Variants in AFF1 observed in about 807,000 individuals in gnomAD.
AFF1 encodes the protein AF4/FMR2 family member 1.
Under a neutral mutation model 121.7 loss-of-function variants are expected in AFF1, and 48 were observed. That is an observed-to-expected ratio of 0.39 (90% confidence interval 0.31 to 0.50). The LOEUF (loss-of-function observed/expected upper bound fraction) is 0.50, where lower values mean the gene tolerates loss of function less well. Ranked by LOEUF, AFF1 falls within the 20% of genes least tolerant of loss-of-function variation. The pLI, the probability that AFF1 is intolerant of heterozygous loss-of-function variation, is 0.76. For synonymous variants in AFF1, 613 were observed against 563.0 expected (o/e 1.09, Z -1.26); for missense variants, 1,523 against 1,511.7 (o/e 1.01, Z -0.12).
intron 17 of AFF1, 138 bp downstream of exon 17, chr4:87,131,357 G>A (rs1319285930): frequency 1.7e-5 from 20 of 1,167,232 alleles, no homozygotes; most frequent in Non-Finnish European, 3.6e-6. Flanking sequence ...AAGAACTAGT[G>A]TTTGTCCTGA....
chr4:86,988,401 AT>A (rs1724455862), intron 2 of AFF1, among the ~76,000 whole-genome samples: 1 of 151,656 alleles, frequency 6.6e-6, no homozygotes, highest in Non-Finnish European at 1.5e-5. Flanking sequence ...TAGCTACCAC[AT>A]TTGAGTAAAA....
rs1729293929 is a variant in AFF1 at position 87,136,272 on chromosome 4, A to AC, written c.*572dup. Reference sequence around the variant, plus strand: ...ACTGTGCCCCACTTTCTGCCAATGAACAGTGGCTTGATAATACCAAGTATT... The same window carrying AC: ...ACTGTGCCCCACTTTCTGCCAATGAACCAGTGGCTTGATAATACCAAGTATT... On this transcript the variant is annotated 3_prime_UTR_variant, in exon 21 of 21. Transcript: ENST00000395146. 4.3e-6 allele frequency: 1 copy of AC among 232,172 alleles called. No homozygotes were observed. The highest frequency in any genetic ancestry group is 1.8e-4 in the South Asian group (1 of 5,532). The allele number at this position is 232,172 out of a possible 1,614,324, so 14.4% of individuals were successfully genotyped here.
Position 86,949,755 on chromosome 4 carries a change from T to C in AFF1, c.38+1184T>C, listed in dbSNP as rs528023931. 459 of 1,611,338 alleles carry C rather than the reference T, an allele frequency of 2.8e-4. 1 individual carries two copies. The East Asian group carries it at 5.0e-3, about 17-fold the overall frequency. ...CTGCGGTGCTTGCCCTTGGCCCAGA[T>C]GGTCATCTGGGTGAAGCCCACCAGG... On this transcript the variant is annotated intron_variant, in intron 2 of 20. Coordinates refer to ENST00000395146, the MANE Select transcript of AFF1 (RefSeq NM_001166693.3).
At chr4:86,974,926 C>T (rs7679292) in intron 2 of AFF1, among the ~76,000 whole-genome samples, 94 of 152,280 alleles carry the variant, frequency 6.2e-4, no homozygotes, top group African/African-American at 2.0e-3. Flanking sequence ...GTGATATTCT[C>T]CAGCTAACTG....
chr4:86,983,809 A>AG (rs1412688702), intron 2 of AFF1, among the ~76,000 whole-genome samples: 1 of 151,944 alleles, frequency 6.6e-6, no homozygotes, highest in East Asian at 1.9e-4. Context: ...AGGCCGAGGC[A>AG]GGTGGATCAC....
At chr4:87,091,851 TATTGG>T (rs1560616280) in intron 7 of AFF1, 22 bp downstream of exon 7, 1 of 1,541,824 alleles carries the variant, frequency 6.5e-7, no homozygotes, top group East Asian at 2.3e-5. Flanking sequence ...TGAAACTGCT[TATTGG>T]ATTGGAGAAC....
At chr4:87,097,362 A>G (rs1010101677) in intron 8 of AFF1, among the ~76,000 whole-genome samples, 7 of 152,174 alleles carry the variant, frequency 4.6e-5, no homozygotes, top group Non-Finnish European at 1.0e-4. Context: ...TGAGCAGGCA[A>G]AAGTCACACC....
intron 2 of AFF1, among the ~76,000 whole-genome samples, chr4:86,964,915 A>G (rs1002818480): frequency 1.3e-5 from 2 of 152,182 alleles, no homozygotes; most frequent in African/African-American, 2.4e-5. Context: ...TATACCAAAG[A>G]CCTATTTAAT....
intron 2 of AFF1, chr4:87,007,388 CT>C (rs1347785659): frequency 6.2e-7 from 1 of 1,613,924 alleles, no homozygotes; most frequent in Non-Finnish European, 8.5e-7. Context: ...CGGAAGACCC[CT>C]GGCTCTATAA....
chr4:87,014,216 G>A (rs1249350677), intron 2 of AFF1, among the ~76,000 whole-genome samples: 1 of 152,156 alleles, frequency 6.6e-6, no homozygotes, highest in Non-Finnish European at 1.5e-5. Flanking sequence ...AAGGAGCAGG[G>A]TATTTAATTT....
chr4:86,961,523 C>T (rs1032248675), intron 2 of AFF1, among the ~76,000 whole-genome samples: 64 of 150,992 alleles, frequency 4.2e-4, no homozygotes, highest in African/African-American at 1.4e-3. Context: ...GAGAAACGTG[C>T]ATCTTTTCCA....
At chr4:86,977,846 A>G (rs1048863707) in intron 2 of AFF1, among the ~76,000 whole-genome samples, 12 of 152,190 alleles carry the variant, frequency 7.9e-5, no homozygotes, top group Admixed American at 7.9e-4. Flanking sequence ...GTCCTCCCAT[A>G]GAAGAGTCTG....
At chr4:87,105,563 C>A (rs1252177914) in intron 8 of AFF1, 65 bp from the exon 9 acceptor site, 2 of 1,564,666 alleles carry the variant, frequency 1.3e-6, no homozygotes, top group Non-Finnish European at 1.8e-6. Context: ...TTTCTATTTA[C>A]ATGCTAGAAA....
intron 7 of AFF1, 65 bp from the exon 8 acceptor site, chr4:87,094,850 A>G (rs1391458295): frequency 1.3e-6 from 2 of 1,518,546 alleles, no homozygotes; most frequent in Non-Finnish European, 1.8e-6. Flanking sequence ...ACATAAAAGA[A>G]CTCACAACTA....
rs1401039487 is a variant in AFF1 at position 86,944,376 on chromosome 4, T to G, written c.-36-4122T>G. 4.7e-4 allele frequency among the ~76,000 whole-genome samples: 3 copies of G among 6,380 alleles called. No homozygotes were observed. In the Non-Finnish European group the frequency reaches 0.025, roughly 54 times the overall value. 4.2% of individuals were successfully genotyped at this position (6,380 alleles called of 152,430 possible). On this transcript the variant is annotated intron_variant, in intron 1 of 20. Coordinates refer to ENST00000395146, the MANE Select transcript of AFF1 (RefSeq NM_001166693.3). ...TAAGAAGAATAATTTTCTGGAGGTT[T>G]TTTTTTTTTTTGGACAGTCTTGTTC...
intron 12 of AFF1, among the ~76,000 whole-genome samples, chr4:87,121,576 A>G (rs1467157466): frequency 6.6e-6 from 1 of 151,296 alleles, no homozygotes; most frequent in East Asian, 1.9e-4. Flanking sequence ...CTAAGTGCAT[A>G]GTGTACAAAA....
intron 7 of AFF1, among the ~76,000 whole-genome samples, chr4:87,092,962 C>A: frequency 6.6e-6 from 1 of 152,140 alleles, no homozygotes; most frequent in South Asian, 2.1e-4. Flanking sequence ...ACTCTGCCCC[C>A]ACCTTCGGTC....
At chr4:86,941,020 G>A (rs539792206) in intron 1 of AFF1, among the ~76,000 whole-genome samples, 1 of 151,950 alleles carries the variant, frequency 6.6e-6, no homozygotes, top group South Asian at 2.1e-4. Flanking sequence ...CCCTGGAGGT[G>A]GAGGTTGCAG....
chr4:87,114,833 A>G lies in AFF1; in HGVS notation c.2000A>G (p.Lys667Arg). ...CGGGCCGCAGCAAGCAACGAACCCAAGCCAGCAGTGCCCCCCTCCAGTGAG... is the reference window on the plus strand; with the variant it reads ...CGGGCCGCAGCAAGCAACGAACCCAGGCCAGCAGTGCCCCCCTCCAGTGAG... ...RPRAAASNEP[K>R]PAVPPSSEKK... Residue 667 changes from lysine to arginine, a missense_variant, in exon 12 of 21, where the codon AAG becomes AGG. Lys to Arg is a conservative substitution (Grantham distance 26, BLOSUM62 2). Around this residue, in one of 5 missense-constraint regions of AFF1, gnomAD observed 905 missense variants for 842.5 expected, o/e 1.07. Transcript: ENST00000395146. 1.2e-6 allele frequency: 2 copies of G among 1,613,858 alleles called. No individual in the cohort carries two copies. Among genetic ancestry groups the G allele is most frequent in the Non-Finnish European group, 1.7e-6 (2 of 1,179,906 alleles).
Sources: gnomAD v4.1 joint callset for allele counts (sites outside exome capture counted in the v4.1 genomes callset) on GRCh38, gnomAD v4.1.1 for gene constraint, gnomAD v4.1.1 regional missense constraint, MANE v1.5 for transcripts, NCBI Gene and HGNC (gene_info 2026-07-23, HGNC 2026-07-21) for gene names.